RPTOR: variants seen among roughly 807,000 people sequenced by gnomAD.
RPTOR encodes regulatory-associated protein of mTOR.
RPTOR carries 21 observed loss-of-function variants against 169.9 expected under a neutral mutation model. The ratio of observed to expected loss-of-function variants is 0.12; its 90% CI spans 0.09 to 0.18. The LOEUF (loss-of-function observed/expected upper bound fraction) is 0.18. Ranked by LOEUF, RPTOR falls within the 10% of genes least tolerant of loss-of-function variation. The probability of loss-of-function intolerance (pLI) is 1.00; values close to 1 mark genes in which losing one functional copy is unlikely to be tolerated. For synonymous variants in RPTOR, 732 were observed against 753.2 expected, an observed-to-expected ratio of 0.97 and a Z score of 0.46; for missense variants, 1,133 against 1,855.9, an observed-to-expected ratio of 0.61 and a Z score of 7.16.
intron 3 of RPTOR, among the ~76,000 whole-genome samples, chr17:80,664,885 CA>C (rs1199268518): frequency 6.6e-6 from 1 of 152,088 alleles, no homozygotes; most frequent in Non-Finnish European, 1.5e-5. Flanking sequence ...TTTATATAAA[CA>C]TAATTTATGT....
intron 6 of RPTOR, among the ~76,000 whole-genome samples, chr17:80,787,104 G>GCT (rs1296415515): frequency 6.6e-6 from 1 of 152,166 alleles, no homozygotes; most frequent in Non-Finnish European, 1.5e-5. Context: ...TGAGTGCCGG[G>GCT]CTCATCATCC....
chr17:80,634,832 G>T (rs1348797142), intron 2 of RPTOR, among the ~76,000 whole-genome samples: 1 of 143,872 alleles, frequency 7.0e-6, no homozygotes, highest in African/African-American at 2.6e-5. Context: ...TACTGTGTGT[G>T]TGTGCATACC....
rs781680408 is a variant in RPTOR at position 80,949,428 on chromosome 17, T to C, written c.3266-15T>C. The stretch of plus-strand genomic sequence containing the variant: ...GAGGGGCCTGGTTCACATCCTTTCC[T>C]CTCTCCCTCCCCAGACGATGGTGCC... On this transcript the variant is annotated splice_polypyrimidine_tract_variant and intron_variant, in intron 27 of 33. Transcript: ENST00000306801. 6.2e-7 allele frequency: 1 copy of C among 1,608,114 alleles called. No homozygotes were observed. Among genetic ancestry groups the C allele is most frequent in the East Asian group, 2.2e-5 (1 of 44,832 alleles).
intron 1 of RPTOR, among the ~76,000 whole-genome samples, chr17:80,561,685 G>A (rs1394686490): frequency 1.3e-5 from 2 of 152,026 alleles, no homozygotes; most frequent in Non-Finnish European, 2.9e-5. Flanking sequence ...CACCACCTCA[G>A]CCTCCCAAAG....
rs1238757177 is a variant in RPTOR at position 80,878,035 on chromosome 17, G to A, written c.1510-2380G>A. On this transcript the variant is annotated intron_variant, in intron 13 of 33. Coordinates refer to ENST00000306801, the MANE Select transcript of RPTOR (RefSeq NM_020761.3). The surrounding 1 kb of genome is among the most constrained non-coding windows in gnomAD (Gnocchi z 4.1). The stretch of plus-strand genomic sequence containing the variant: ...AACTGCTCCTGCCTCAGTGGGAAAG[G>A]GCCAGCTGTGCAGGGCTGCACTGGA... 6.6e-6 allele frequency among the ~76,000 whole-genome samples: 1 copy of A among 152,188 alleles called. No homozygotes were observed. Among genetic ancestry groups the A allele is most frequent in the Non-Finnish European group, 1.5e-5 (1 of 68,034 alleles).
intron 13 of RPTOR, among the ~76,000 whole-genome samples, chr17:80,869,485 C>T (rs1038729489): frequency 2.6e-5 from 4 of 152,140 alleles, no homozygotes; most frequent in African/African-American, 9.7e-5. Context: ...TCAAGAAACA[C>T]CCCCAAAAAT....
chr17:80,558,873 A>C (rs1278421499), intron 1 of RPTOR, among the ~76,000 whole-genome samples: 1 of 152,042 alleles, frequency 6.6e-6, no homozygotes, highest in South Asian at 2.1e-4. Flanking sequence ...TGTGTAGCCT[A>C]CCTTAATCTA....
At chr17:80,601,018 T>C (rs1160716798) in intron 1 of RPTOR, among the ~76,000 whole-genome samples, 1 of 152,186 alleles carries the variant, frequency 6.6e-6, no homozygotes, top group South Asian at 2.1e-4. Flanking sequence ...GGGCTGTGAC[T>C]GGATGGGAAA....
chr17:80,549,536 C>T (rs1003734618), intron 1 of RPTOR, among the ~76,000 whole-genome samples: 3 of 152,178 alleles, frequency 2.0e-5, no homozygotes, highest in African/African-American at 7.2e-5. Context: ...TGGTCTCAAA[C>T]TCCTGACCTC....
chr17:80,919,187 T>C (rs1401664513), intron 21 of RPTOR, among the ~76,000 whole-genome samples: 4 of 152,210 alleles, frequency 2.6e-5, no homozygotes, highest in Non-Finnish European at 5.9e-5. Context: ...GGACTTACTT[T>C]TCCAAAAGAA....
chr17:80,822,068 A>G (rs9911574), intron 7 of RPTOR, 133 bp from the exon 8 acceptor site: 282,385 of 769,754 alleles, frequency 0.37, 54,733 homozygotes, highest in African/African-American at 0.49. Context: ...GCCGTGCGCC[A>G]AGCTTCTGCT....
At chr17:80,901,385 T>G (rs1176376784) in intron 20 of RPTOR, among the ~76,000 whole-genome samples, 1 of 152,210 alleles carries the variant, frequency 6.6e-6, no homozygotes, top group Non-Finnish European at 1.5e-5. Flanking sequence ...CTGACTTTTT[T>G]TTTTTTACTG....
chr17:80,909,042 A>T, intron 21 of RPTOR, 113 bp downstream of exon 21: 2 of 726,336 alleles, frequency 2.8e-6, no homozygotes, highest in South Asian at 3.2e-5. Flanking sequence ...AAAGTAACAA[A>T]ACGAGCTTCA....
At chr17:80,784,144 G>T (rs771030941) in intron 6 of RPTOR, among the ~76,000 whole-genome samples, 7 of 151,154 alleles carry the variant, frequency 4.6e-5, no homozygotes, top group Non-Finnish European at 8.8e-5. Context: ...GTGGAGATGG[G>T]GACTCAACTG....
chr17:80,861,364 C>G lies in RPTOR; in HGVS notation c.1509+3464C>G, dbSNP rs8078605. On this transcript the variant is annotated intron_variant, in intron 13 of 33. Coordinates refer to ENST00000306801, the MANE Select transcript of RPTOR (RefSeq NM_020761.3). This position sits in a 1 kb window ranked among gnomAD's most constrained non-coding sequence, Gnocchi z 4.5. ...AAATCTCACATCTCTCCTGCCTGTC[C>G]CTGTTACACTAAAACCTTTTCTTGC... Among the ~76,000 whole-genome samples, 1 of 144,274 alleles carries G rather than the reference C, an allele frequency of 6.9e-6. No individual in the cohort carries two copies. 94.6% of individuals were successfully genotyped at this position (144,274 alleles called of 152,430 possible).
At chr17:80,905,813 G>C (rs11652465) in intron 20 of RPTOR, among the ~76,000 whole-genome samples, 48,990 of 152,048 alleles carry the variant, frequency 0.32, 8,055 homozygotes, top group East Asian at 0.47. Flanking sequence ...CGCCGGGAGT[G>C]GGGGGCCTCC....
At chr17:80,904,997 A>C (rs2068522484) in intron 20 of RPTOR, among the ~76,000 whole-genome samples, 1 of 152,148 alleles carries the variant, frequency 6.6e-6, no homozygotes. Context: ...CGACAACAAT[A>C]GCGTTGGCCC....
intron 21 of RPTOR, among the ~76,000 whole-genome samples, chr17:80,911,970 G>C (rs2068618235): frequency 6.6e-6 from 1 of 152,158 alleles, no homozygotes; most frequent in Non-Finnish European, 1.5e-5. Context: ...CCTCTCAGAT[G>C]AGCTGACGCT....
At chr17:80,842,972 A>C (rs2067687381) in intron 10 of RPTOR, among the ~76,000 whole-genome samples, 1 of 152,160 alleles carries the variant, frequency 6.6e-6, no homozygotes, top group Non-Finnish European at 1.5e-5. Context: ...TGTTCTTTGC[A>C]CCAGGACCAC....
Sources: gnomAD v4.1 joint callset for allele counts (sites outside exome capture counted in the v4.1 genomes callset) on GRCh38, gnomAD v4.1.1 for gene constraint, Gnocchi (gnomAD v3.1) non-coding constraint, MANE v1.5 for transcripts, NCBI Gene and HGNC (gene_info 2026-07-23, HGNC 2026-07-21) for gene names.